The following FBN1 variants were observed in gnomAD, a reference collection of about 807,000 sequenced individuals.
FBN1 encodes the protein fibrillin 1, also known as fibrillin-1.
FBN1 carries 29 observed loss-of-function variants against 365.1 expected under a neutral mutation model. The ratio of observed to expected loss-of-function variants is 0.08; its 90% CI spans 0.06 to 0.11. The LOEUF is 0.11. Among genes scored for constraint, FBN1 ranks in the 10% least tolerant of loss-of-function variants. FBN1 has a pLI of 1.00. For missense variants in FBN1, 2,476 were observed against 3,703.2 expected (o/e 0.67, Z 8.60); for synonymous variants, 1,210 against 1,270.5 (o/e 0.95, Z 1.01).
chr15:48,439,795 C>T (rs913553271), intron 50 of FBN1, among the ~76,000 whole-genome samples: 10 of 152,096 alleles, frequency 6.6e-5, no homozygotes, highest in South Asian at 4.2e-4. Flanking sequence ...CTCAAATGCA[C>T]GAAGTCTTGA....
At chr15:48,565,701 A>G (rs530632513) in intron 6 of FBN1, among the ~76,000 whole-genome samples, 2 of 152,102 alleles carry the variant, frequency 1.3e-5, no homozygotes, top group Non-Finnish European at 2.9e-5. Flanking sequence ...TATTTTGTAG[A>G]CTTCAAATGT....
intron 2 of FBN1, among the ~76,000 whole-genome samples, chr15:48,617,907 C>T (rs1889688530): frequency 6.6e-6 from 1 of 152,200 alleles, no homozygotes; most frequent in Non-Finnish European, 1.5e-5. Context: ...AAAGTGCAAA[C>T]TCCTTTTCAG....
At chr15:48,438,019 C>A (rs1362520626) in intron 50 of FBN1, 102 bp from the exon 51 acceptor site, 1 of 1,187,588 alleles carries the variant, frequency 8.4e-7, no homozygotes, top group Non-Finnish European at 1.3e-6. Context: ...ATGTTCTCCT[C>A]TCAGGACCAC....
chr15:48,608,887 T>G (rs1188086669), intron 4 of FBN1, among the ~76,000 whole-genome samples: 2 of 152,238 alleles, frequency 1.3e-5, no homozygotes, highest in African/African-American at 4.8e-5. Context: ...TGATTTCTAC[T>G]CGATAGAGAA....
Position 48,451,921 on chromosome 15 carries a change from CT to C in FBN1, c.5545+640del, listed in dbSNP as rs1180234904. ...AGTTGATAACATGCCAACGTGCTTC[CT>C]ATTTCTATCACATCCCTGACAAAAG... is the stretch of plus-strand genomic sequence containing the variant. On this transcript the variant is annotated intron_variant, in intron 45 of 65. Transcript: ENST00000316623. 3.3e-5 allele frequency among the ~76,000 whole-genome samples: 5 copies of C among 152,310 alleles called. No individual in the cohort carries two copies. The East Asian group carries it at 9.6e-4, about 29-fold the overall frequency.
intron 6 of FBN1, among the ~76,000 whole-genome samples, chr15:48,559,668 C>T (rs117182197): frequency 6.6e-6 from 1 of 152,236 alleles, no homozygotes; most frequent in Non-Finnish European, 1.5e-5. Context: ...TAACAACTGC[C>T]AAGAGGTTTC....
At chr15:48,594,484 T>A (rs1263687609) in intron 6 of FBN1, among the ~76,000 whole-genome samples, 1 of 152,214 alleles carries the variant, frequency 6.6e-6, no homozygotes, top group Non-Finnish European at 1.5e-5. Context: ...CCCTTTTTCC[T>A]GAAGGGGAGC....
chr15:48,429,253 T>C (rs1014439948), intron 56 of FBN1, among the ~76,000 whole-genome samples: 4 of 152,216 alleles, frequency 2.6e-5, no homozygotes, highest in African/African-American at 9.6e-5. Flanking sequence ...ATATCTGTAA[T>C]GGTCAATATT....
chr15:48,553,222 G>A (rs1031645441), intron 6 of FBN1, among the ~76,000 whole-genome samples: 9 of 151,886 alleles, frequency 5.9e-5, no homozygotes, highest in African/African-American at 1.2e-4. Context: ...ATATACTACC[G>A]TCAATTGAAA....
At chr15:48,416,916 A>G (rs1393573572) in intron 63 of FBN1, among the ~76,000 whole-genome samples, 21 of 152,182 alleles carry the variant, frequency 1.4e-4, no homozygotes, top group Non-Finnish European at 4.4e-5. Flanking sequence ...TACCTATTTT[A>G]TGATAGATAG....
At chr15:48,462,501 C>G (rs552868779) in intron 42 of FBN1, among the ~76,000 whole-genome samples, 1 of 152,294 alleles carries the variant, frequency 6.6e-6, no homozygotes. Flanking sequence ...TACTTGATCA[C>G]ATCTCCCTTT....
At chr15:48,564,048 A>C (rs2044242650) in intron 6 of FBN1, among the ~76,000 whole-genome samples, 1 of 152,192 alleles carries the variant, frequency 6.6e-6, no homozygotes. Context: ...CTTTCCAAGC[A>C]TCTGGATCCT....
At chr15:48,461,329 G>A (rs888422980) in intron 42 of FBN1, among the ~76,000 whole-genome samples, 2 of 152,070 alleles carry the variant, frequency 1.3e-5, no homozygotes, top group Non-Finnish European at 2.9e-5. Flanking sequence ...CAAAACTCAG[G>A]CAATCATTTC....
intron 6 of FBN1, among the ~76,000 whole-genome samples, chr15:48,591,710 A>C (rs1597621495): frequency 6.6e-6 from 1 of 151,892 alleles, no homozygotes; most frequent in Non-Finnish European, 1.5e-5. Flanking sequence ...AAGTCTTTAG[A>C]GTTATGAGTG....
Position 48,463,149 on chromosome 15 carries a change from G to A in FBN1, c.5157C>T (p.Cys1719=), listed in dbSNP as rs2043292643. Residue 1719 remains cysteine (C), a synonymous_variant, in exon 42 of 66, where the codon TGC becomes TGT. Transcript: ENST00000316623. The stretch of plus-strand genomic sequence containing the variant: ...CCCGGCCAATGTTGTAGGAACAGCA[G>A]CACATCTTCTTGGTCATGTTGAATA... The part of the protein sequence containing the change: ...ELLFNMTKKM[C]CCSYNIGRAW... 1 of 1,613,982 alleles carries A rather than the reference G, an allele frequency of 6.2e-7. No homozygotes were observed. Among genetic ancestry groups the A allele is most frequent in the South Asian group, 1.1e-5 (1 of 91,088 alleles).
chr15:48,613,535 T>G (rs1335486377), intron 2 of FBN1, among the ~76,000 whole-genome samples: 1 of 152,120 alleles, frequency 6.6e-6, no homozygotes, highest in Non-Finnish European at 1.5e-5. Context: ...CCTCTATAAT[T>G]TTACATATTC....
intron 63 of FBN1, among the ~76,000 whole-genome samples, chr15:48,419,840 T>A (rs926725116): frequency 6.6e-6 from 1 of 152,222 alleles, no homozygotes; most frequent in Non-Finnish European, 1.5e-5. Context: ...AAGCTTGCAG[T>A]GGCACTTCAC....
chr15:48,590,096 G>A (rs2044466699), intron 6 of FBN1, among the ~76,000 whole-genome samples: 1 of 152,146 alleles, frequency 6.6e-6, no homozygotes, highest in South Asian at 2.1e-4. Flanking sequence ...GCATTACCTT[G>A]GGAACTTTAG....
At chr15:48,538,287 T>C (rs897493045) in intron 6 of FBN1, among the ~76,000 whole-genome samples, 1 of 152,208 alleles carries the variant, frequency 6.6e-6, no homozygotes, top group Non-Finnish European at 1.5e-5. Flanking sequence ...AAGCTTGCAG[T>C]GAGGCAAGTC....
Sources: gnomAD v4.1 joint callset for allele counts (sites outside exome capture counted in the v4.1 genomes callset) on GRCh38, gnomAD v4.1.1 for gene constraint, MANE v1.5 for transcripts, NCBI Gene and HGNC (gene_info 2026-07-23, HGNC 2026-07-21) for gene names.